The following MBNL1 variants were observed in gnomAD, a reference collection of about 807,000 sequenced individuals.
MBNL1 encodes muscleblind like splicing regulator 1, also known as muscleblind-like protein 1.
MBNL1 carries 8 observed loss-of-function variants against 42.2 expected under a neutral mutation model. The observed-to-expected ratio is 0.19, with a 90% CI of 0.11 to 0.34. MBNL1 has a LOEUF of 0.34. Among genes scored for constraint, MBNL1 ranks in the 10% least tolerant of loss-of-function variants. MBNL1 has a pLI of 1.00. For missense variants in MBNL1, 309 were observed against 495.3 expected (o/e 0.62, Z 3.57); for synonymous variants, 169 against 173.9 (o/e 0.97, Z 0.22).
upstream of MBNL1, chr3:152,265,266 T>G (rs1214552001): frequency 3.9e-5 from 6 of 152,246 alleles, no homozygotes; most frequent in Non-Finnish European, 7.3e-5. Flanking sequence ...GACATGAGAC[T>G]AGGTTCTGGT....
At chr3:152,316,106 C>T (rs138843557) in intron 2 of MBNL1, among the ~76,000 whole-genome samples, 31 of 152,322 alleles carry the variant, frequency 2.0e-4, no homozygotes, top group African/African-American at 6.7e-4. Context: ...GTACCACTCT[C>T]TCCCTGTATT....
At chr3:152,277,650 C>CTTT (rs2046049410) in intron 1 of MBNL1, among the ~76,000 whole-genome samples, 1 of 152,016 alleles carries the variant, frequency 6.6e-6, no homozygotes, top group Non-Finnish European at 1.5e-5. Flanking sequence ...GAATAGAAAG[C>CTTT]TTTATTGGAA....
At chr3:152,247,317 T>C (rs992242960) in intron 2 of MBNL1, among the ~76,000 whole-genome samples, 2 of 152,074 alleles carry the variant, frequency 1.3e-5, no homozygotes, top group Admixed American at 1.3e-4. Flanking sequence ...TTCCAAATGA[T>C]TGCTATATTT....
chr3:152,327,555 G>A (rs1446997232), intron 2 of MBNL1, among the ~76,000 whole-genome samples: 2 of 151,504 alleles, frequency 1.3e-5, no homozygotes, highest in Admixed American at 1.3e-4. Flanking sequence ...ACCCATGTTG[G>A]CCAGGCTGGT....
At chr3:152,267,721 G>A (rs1465362611), upstream of MBNL1, 2 of 152,154 alleles carry the variant, frequency 1.3e-5, no homozygotes, top group East Asian at 3.8e-4. Flanking sequence ...AGTGCTTTGT[G>A]GATCTAGCTA....
intron 2 of MBNL1, among the ~76,000 whole-genome samples, chr3:152,409,765 T>C (rs1323229884): frequency 1.3e-5 from 2 of 152,196 alleles, no homozygotes; most frequent in African/African-American, 2.4e-5. Context: ...TTGGTAATTG[T>C]AATCCTGCCA....
intron 2 of MBNL1, among the ~76,000 whole-genome samples, chr3:152,341,153 A>G (rs529433737): frequency 6.6e-6 from 1 of 152,372 alleles, no homozygotes; most frequent in East Asian, 1.9e-4. Flanking sequence ...TTCATATATA[A>G]AAACAGAAAA....
At chr3:152,361,579 GC>G (rs1042543225) in intron 2 of MBNL1, among the ~76,000 whole-genome samples, 2 of 151,910 alleles carry the variant, frequency 1.3e-5, no homozygotes, top group African/African-American at 4.8e-5. Flanking sequence ...AAGACACAGG[GC>G]TAGAGGGTTA....
chr3:152,447,568 T>C (rs1712559436), intron 5 of MBNL1, 52 bp from the exon 6 acceptor site: 3 of 1,520,940 alleles, frequency 2.0e-6, no homozygotes, highest in Admixed American at 3.7e-5. Flanking sequence ...TTTTTCTTTT[T>C]TCTTTTTCTC....
At chr3:152,440,820 TTTGATCAAAGTGA>T (rs1172051901) in intron 4 of MBNL1, among the ~76,000 whole-genome samples, 4 of 152,230 alleles carry the variant, frequency 2.6e-5, no homozygotes, top group African/African-American at 7.2e-5. Context: ...CTGTGGACAC[TTTGATCAAAGTGA>T]TTGATCAAAG....
chr3:152,276,505 A>T (rs917271941), intron 1 of MBNL1, among the ~76,000 whole-genome samples: 3 of 152,178 alleles, frequency 2.0e-5, no homozygotes, highest in Admixed American at 6.5e-5. Context: ...AAAAATACTT[A>T]TTTTGGATGC....
Position 152,281,706 on chromosome 3 carries a change from A to C in MBNL1, c.-790+12614A>C, listed in dbSNP as rs185852393. On this transcript the variant is annotated intron_variant, in intron 1 of 9. Transcript: ENST00000324210. ...CTGTTGGATGGCTTTGCTGAATGGC[A>C]CCTTTTAAGAAGTGCCTTGAGCCCC... Among the ~76,000 whole-genome samples the C allele has an allele frequency of 1.9e-4, 29 of 152,242 alleles. No homozygotes were observed. In the East Asian group the frequency reaches 5.4e-3, roughly 28 times the overall value.
chr3:152,386,127 A>G (rs1342697619), intron 2 of MBNL1, among the ~76,000 whole-genome samples: 2 of 152,080 alleles, frequency 1.3e-5, no homozygotes, highest in African/African-American at 4.8e-5. Flanking sequence ...ATAAATCTAG[A>G]GTACTTTGGG....
chr3:152,319,314 T>C (rs1020131203), intron 2 of MBNL1, among the ~76,000 whole-genome samples: 1 of 152,128 alleles, frequency 6.6e-6, no homozygotes, highest in Non-Finnish European at 1.5e-5. Flanking sequence ...TGTGTTAGAA[T>C]TGCCATCAGA....
chr3:152,359,103 G>C (rs1190627199), intron 2 of MBNL1, among the ~76,000 whole-genome samples: 1 of 152,104 alleles, frequency 6.6e-6, no homozygotes, highest in East Asian at 1.9e-4. Flanking sequence ...CACAATTTAA[G>C]TTTATATGCC....
chr3:152,364,923 G>T (rs1448717550), intron 2 of MBNL1, among the ~76,000 whole-genome samples: 1 of 151,570 alleles, frequency 6.6e-6, no homozygotes, highest in Non-Finnish European at 1.5e-5. Flanking sequence ...ACGTTGGTTC[G>T]ATGTACTAGC....
intron 2 of MBNL1, among the ~76,000 whole-genome samples, chr3:152,405,598 G>A (rs2098407557): frequency 6.6e-6 from 1 of 152,120 alleles, no homozygotes; most frequent in South Asian, 2.1e-4. Flanking sequence ...AGTCTGTAAA[G>A]AACTGCTTAA....
At position 152,292,235 on chromosome 3, in the gene MBNL1, G is replaced by A. The variant is rs563160573; in HGVS notation, c.-789-7170G>A. Among the ~76,000 whole-genome samples, 4 of 152,290 alleles carry A rather than the reference G, an allele frequency of 2.6e-5. No homozygotes were observed. In the East Asian group the frequency reaches 7.7e-4, roughly 29 times the overall value. On this transcript the variant is annotated intron_variant, in intron 1 of 9. Transcript: ENST00000324210. ...TTTTACATTTTTAAAAATTTTGCCT[G>A]ATACAGGAATTAATTCAAAATTCAC...
intron 2 of MBNL1, among the ~76,000 whole-genome samples, chr3:152,307,939 A>G (rs2064095487): frequency 6.6e-6 from 1 of 152,198 alleles, no homozygotes; most frequent in South Asian, 2.1e-4. Flanking sequence ...GCTGCCACCA[A>G]CTTTCAAAGA....
Sources: gnomAD v4.1 joint callset for allele counts (sites outside exome capture counted in the v4.1 genomes callset) on GRCh38, gnomAD v4.1.1 for gene constraint, MANE v1.5 for transcripts, NCBI Gene and HGNC (gene_info 2026-07-23, HGNC 2026-07-21) for gene names.